Variants in MRPL48 observed in about 807,000 individuals in gnomAD.
MRPL48 encodes mitochondrial ribosomal protein L48, also known as large ribosomal subunit protein mL48.
In MRPL48, 16 loss-of-function variants were observed where a neutral mutation model predicts 32.9. That is an observed-to-expected ratio of 0.49 (90% CI 0.33 to 0.74). MRPL48 has a LOEUF of 0.74. Ranked by LOEUF, MRPL48 falls within the 30% of genes least tolerant of loss-of-function variation. The pLI, the probability that MRPL48 is intolerant of heterozygous loss-of-function variation, is 0.02. For missense variants in MRPL48, 206 were observed against 245.3 expected (o/e 0.84, Z 1.07); for synonymous variants, 94 against 89.2 (o/e 1.05, Z -0.31).
intron 1 of MRPL48, among the ~76,000 whole-genome samples, chr11:73,794,124 C>A (rs1409112812): frequency 6.6e-6 from 1 of 151,362 alleles, no homozygotes; most frequent in African/African-American, 2.4e-5. Flanking sequence ...GAGGCCAAGG[C>A]TGCAGCGAGC....
At chr11:73,816,605 C>T (rs1947680639) in intron 3 of MRPL48, among the ~76,000 whole-genome samples, 1 of 151,998 alleles carries the variant, frequency 6.6e-6, no homozygotes, top group Admixed American at 6.6e-5. Context: ...GCTGGGATTA[C>T]AGGCATGCGC....
intron 4 of MRPL48, among the ~76,000 whole-genome samples, chr11:73,830,839 C>CTCTT (rs532178771): frequency 7.3e-4 from 111 of 151,684 alleles, no homozygotes; most frequent in East Asian, 3.7e-3. Flanking sequence ...CTGTTTTTAT[C>CTCTT]TCTTTCTTTC....
At chr11:73,809,448 A>G (rs990644308) in intron 3 of MRPL48, among the ~76,000 whole-genome samples, 1 of 151,578 alleles carries the variant, frequency 6.6e-6, no homozygotes, top group Non-Finnish European at 1.5e-5. Context: ...AGGTTACAGT[A>G]AGCCGAGATC....
intron 4 of MRPL48, among the ~76,000 whole-genome samples, chr11:73,840,433 G>A (rs1006302317): frequency 2.0e-5 from 3 of 152,150 alleles, no homozygotes; most frequent in African/African-American, 7.2e-5. Context: ...GGTCGAGGCT[G>A]CAGTAAGCTG....
chr11:73,808,481 G>C, intron 3 of MRPL48, 131 bp downstream of exon 3: 1 of 855,120 alleles, frequency 1.2e-6, no homozygotes, highest in East Asian at 2.7e-5. Flanking sequence ...ACCCCTCCAT[G>C]TGAGCATGGA....
chr11:73,854,510 C>T (rs1368424002), intron 5 of MRPL48, among the ~76,000 whole-genome samples: 5 of 152,244 alleles, frequency 3.3e-5, no homozygotes, highest in African/African-American at 1.2e-4. Context: ...TGGTCTCAAG[C>T]TCCTGACCTC....
rs552501956 is a variant in MRPL48, at chr11:73,810,719, C to G, written c.112+2369C>G. 1.8e-3 allele frequency among the ~76,000 whole-genome samples: 271 copies of G among 151,766 alleles called. 2 individuals carry two copies. The highest frequency in any genetic ancestry group is 6.2e-3 in the African/African-American group (256 of 41,372). Reference sequence around the variant, plus strand: ...TTATCTCTCCACTAGCCCCCCACCCCCCGAGAGGCCCTGGTATGTGATGTT... The same window carrying G: ...TTATCTCTCCACTAGCCCCCCACCCGCCGAGAGGCCCTGGTATGTGATGTT... On this transcript the variant is annotated intron_variant, in intron 3 of 7. Transcript: ENST00000310614.
intron 3 of MRPL48, among the ~76,000 whole-genome samples, chr11:73,808,644 G>A (rs1401086808): frequency 3.3e-5 from 5 of 152,186 alleles, no homozygotes; most frequent in African/African-American, 9.7e-5. Flanking sequence ...CTGTGAGGCC[G>A]GGTGCGGTGG....
At position 73,864,298 on chromosome 11, in the gene MRPL48, C is replaced by T; in HGVS notation, c.567C>T (p.His189=). 1 of 1,613,586 alleles carries T rather than the reference C, an allele frequency of 6.2e-7. No individual in the cohort carries two copies. The highest frequency in any genetic ancestry group is 8.5e-7 in the Non-Finnish European group (1 of 1,179,758). Residue 189 remains histidine, a splice_region_variant and synonymous_variant, in exon 8 of 8, where the codon CAC becomes CAT. Transcript: ENST00000310614. The part of the protein sequence containing the change: ...PEGVRLSVKE[H]TEEDFKGRFK... ...TATTTTCTTTTTCTTCTCCTTAGCA[C>T]ACTGAAGAAGACTTCAAGGGACGAT...
At chr11:73,833,965 TC>T (rs1274437520) in intron 4 of MRPL48, among the ~76,000 whole-genome samples, 1 of 152,168 alleles carries the variant, frequency 6.6e-6, no homozygotes, top group Non-Finnish European at 1.5e-5. Context: ...CAGGTAATCC[TC>T]CCACCTCAGC....
chr11:73,840,337 T>G (rs569160850), intron 4 of MRPL48, among the ~76,000 whole-genome samples: 1 of 152,024 alleles, frequency 6.6e-6, no homozygotes, highest in Admixed American at 6.6e-5. Flanking sequence ...TATAAAAAAA[T>G]GCAAAAATTA....
At chr11:73,859,346 A>G (rs556916092) in intron 5 of MRPL48, among the ~76,000 whole-genome samples, 1 of 151,340 alleles carries the variant, frequency 6.6e-6, no homozygotes, top group Non-Finnish European at 1.5e-5. Context: ...CAGTGGCGCA[A>G]TCTTGGCTCA....
intron 3 of MRPL48, chr11:73,822,927 T>G (rs1052143469): frequency 9.1e-6 from 4 of 440,770 alleles, no homozygotes; most frequent in African/African-American, 2.0e-5. Flanking sequence ...TTTTGTGAAC[T>G]GCACATATGA....
Position 73,796,927 on chromosome 11 carries a change from C to T in MRPL48, c.22-8100C>T, listed in dbSNP as rs373975344. Among the ~76,000 whole-genome samples the T allele has an allele frequency of 9.2e-5, 14 of 152,158 alleles. No homozygotes were observed. In the East Asian group the frequency reaches 1.7e-3, roughly 19 times the overall value. On this transcript the variant is annotated intron_variant, in intron 1 of 7. Transcript: ENST00000310614. Reference sequence around the variant, plus strand: ...TAAAAATACAAAAAAATTAGCCGAGCGTGGTGGTGGGCGCCTGTAATCCCA... The same window carrying T: ...TAAAAATACAAAAAAATTAGCCGAGTGTGGTGGTGGGCGCCTGTAATCCCA...
intron 5 of MRPL48, among the ~76,000 whole-genome samples, chr11:73,855,992 A>G (rs1948476640): frequency 1.3e-5 from 2 of 152,220 alleles, no homozygotes; most frequent in Admixed American, 1.3e-4. Context: ...TTGTAAGGCA[A>G]GGACTATTTC....
At chr11:73,803,605 T>C (rs1257978791) in intron 1 of MRPL48, among the ~76,000 whole-genome samples, 2 of 152,156 alleles carry the variant, frequency 1.3e-5, no homozygotes, top group South Asian at 2.1e-4. Flanking sequence ...TCTTGACTGA[T>C]AGTTTCTCAG....
At chr11:73,808,697 G>A (rs910225294) in intron 3 of MRPL48, among the ~76,000 whole-genome samples, 8 of 152,092 alleles carry the variant, frequency 5.3e-5, no homozygotes, top group Admixed American at 3.3e-4. Context: ...CGAGGCGGGC[G>A]GATCACCTGA....
At chr11:73,797,278 CGCTTGTCT>C (rs1384855481) in intron 1 of MRPL48, among the ~76,000 whole-genome samples, 1 of 152,202 alleles carries the variant, frequency 6.6e-6, no homozygotes, top group African/African-American at 2.4e-5. Flanking sequence ...GCTCACCCTC[CGCTTGTCT>C]GCATACTCCA....
chr11:73,820,567 A>G (rs1358513244), intron 3 of MRPL48, among the ~76,000 whole-genome samples: 1 of 152,108 alleles, frequency 6.6e-6, no homozygotes, highest in East Asian at 1.9e-4. Flanking sequence ...ACTTTGCTTC[A>G]GTCACACTGA....
Sources: allele counts gnomAD v4.1 joint callset (sites outside exome capture counted in the v4.1 genomes callset), GRCh38; gene constraint gnomAD v4.1.1; transcripts MANE v1.5; gene names NCBI Gene and HGNC (gene_info 2026-07-23, HGNC 2026-07-21).